The following RARB variants were observed in gnomAD, a reference collection of about 807,000 sequenced individuals.
RARB encodes HBV-activated protein.
Under a neutral mutation model 51.9 loss-of-function variants are expected in RARB, and 17 were observed. The ratio of observed to expected loss-of-function variants is 0.33; its 90% confidence interval spans 0.22 to 0.49. The LOEUF (loss-of-function observed/expected upper bound fraction) is 0.49, where lower values mean the gene tolerates loss of function less well. Ranked by LOEUF, RARB falls within the 20% of genes least tolerant of loss-of-function variation. The pLI is 0.99. For missense variants in RARB, 369 were observed against 550.8 expected (o/e 0.67, Z 3.30); for synonymous variants, 215 against 195.4 (o/e 1.10, Z -0.84).
chr3:25,144,705 G>A (rs1700160166), intron 4 of RARB, among the ~76,000 whole-genome samples: 1 of 152,130 alleles, frequency 6.6e-6, no homozygotes, highest in Admixed American at 6.5e-5. Context: ...ACTACTGCTA[G>A]CATACTTAGC....
At chr3:25,117,826 C>T (rs1220059928) in intron 3 of RARB, among the ~76,000 whole-genome samples, 1 of 152,150 alleles carries the variant, frequency 6.6e-6, no homozygotes, top group African/African-American at 2.4e-5. Flanking sequence ...TCTATCCTTC[C>T]TTGTCCAAAA....
intron 5 of RARB, among the ~76,000 whole-genome samples, chr3:25,304,664 G>T (rs1463834964): frequency 6.6e-6 from 1 of 152,126 alleles, no homozygotes; most frequent in South Asian, 2.1e-4. Flanking sequence ...GCTAGTCCAC[G>T]TACCATTTGA....
chr3:24,993,019 A>G (rs1019135996), intron 2 of RARB, among the ~76,000 whole-genome samples: 1 of 152,230 alleles, frequency 6.6e-6, no homozygotes. Flanking sequence ...GGAACATTAA[A>G]TGTTACAGAA....
chr3:25,102,902 T>A (rs1699431460), intron 3 of RARB, among the ~76,000 whole-genome samples: 1 of 152,036 alleles, frequency 6.6e-6, no homozygotes, highest in Admixed American at 6.6e-5. Flanking sequence ...AAATACAAAA[T>A]TAGCTGGTGG....
intron 5 of RARB, among the ~76,000 whole-genome samples, chr3:25,419,044 A>ATT (rs35494234): frequency 0.37 from 55,537 of 150,826 alleles, 10,473 homozygotes; most frequent in Admixed American, 0.46. Context: ...AAGCCTGTGT[A>ATT]TTTTTTTTGC....
At chr3:25,329,666 G>C (rs541281888) in intron 5 of RARB, among the ~76,000 whole-genome samples, 1 of 152,192 alleles carries the variant, frequency 6.6e-6, no homozygotes, top group Non-Finnish European at 1.5e-5. Flanking sequence ...GAATGACTTT[G>C]ATGAGTTGAG....
intron 5 of RARB, among the ~76,000 whole-genome samples, chr3:25,316,321 A>G (rs1704423936): frequency 6.6e-6 from 1 of 152,170 alleles, no homozygotes; most frequent in African/African-American, 2.4e-5. Flanking sequence ...AGCCTTAATT[A>G]TGGGTGAGCA....
chr3:25,488,637 G>A lies in RARB; in HGVS notation c.307-12545G>A, dbSNP rs143277877. On this transcript the variant is annotated intron_variant, in intron 2 of 7. Transcript: ENST00000330688. ...ACCATCCGTTAACAAGCCCATCCTG[G>A]GCAGCAGAAAGCTTTGTGGGCCAGA... Among the ~76,000 whole-genome samples the A allele has an allele frequency of 2.6e-5, 4 of 152,298 alleles. No individual in the cohort carries two copies. In the East Asian group the frequency reaches 7.7e-4, roughly 29 times the overall value.
chr3:25,449,402 CCTTAACTT>C (rs1222284314), intron 1 of RARB, among the ~76,000 whole-genome samples: 2 of 151,538 alleles, frequency 1.3e-5, no homozygotes, highest in Admixed American at 1.3e-4. Flanking sequence ...ATTTCTGTCT[CCTTAACTT>C]CTTTCTTTTG....
intron 2 of RARB, among the ~76,000 whole-genome samples, chr3:25,055,612 T>G (rs554894222): frequency 4.6e-5 from 7 of 152,074 alleles, no homozygotes; most frequent in Non-Finnish European, 1.0e-4. Flanking sequence ...AAATAGATCT[T>G]GTGATGAAGA....
rs1390030820 is a variant in RARB, at chr3:25,447,293, A to G, written c.158-13900A>G. 2.0e-5 allele frequency among the ~76,000 whole-genome samples: 3 copies of G among 152,210 alleles called. No homozygotes were observed. In the East Asian group the frequency reaches 5.8e-4, roughly 29 times the overall value. ...GACACTCTTTTAGCCCTGAGTATTT[A>G]AAGTCAAGGCCGCCAAAATCTTTGT... is the stretch of plus-strand genomic sequence containing the variant. On this transcript the variant is annotated intron_variant, in intron 1 of 7. Coordinates refer to ENST00000330688, the MANE Select transcript of RARB (RefSeq NM_000965.5).
intron 5 of RARB, among the ~76,000 whole-genome samples, chr3:25,358,325 G>C (rs1006636405): frequency 6.6e-6 from 1 of 152,140 alleles, no homozygotes. Context: ...TTTGCACATT[G>C]AATTTGTATC....
intron 2 of RARB, among the ~76,000 whole-genome samples, chr3:24,904,252 G>T (rs1694801976): frequency 6.6e-6 from 1 of 152,060 alleles, no homozygotes; most frequent in African/African-American, 2.4e-5. Context: ...GTGTGTGTTA[G>T]TCTGAGTCCT....
intron 5 of RARB, among the ~76,000 whole-genome samples, chr3:25,198,446 T>A (rs964785070): frequency 6.6e-6 from 1 of 152,062 alleles, no homozygotes; most frequent in African/African-American, 2.4e-5. Flanking sequence ...GTTAAACTTC[T>A]GCACAGAAGA....
At chr3:25,523,813 T>C (rs1456601340) in intron 3 of RARB, among the ~76,000 whole-genome samples, 3 of 152,246 alleles carry the variant, frequency 2.0e-5, no homozygotes, top group Non-Finnish European at 4.4e-5. Flanking sequence ...ATAAAACTTC[T>C]GCAGCAATTT....
chr3:24,935,237 G>A (rs1469981927), intron 2 of RARB, among the ~76,000 whole-genome samples: 1 of 151,946 alleles, frequency 6.6e-6, no homozygotes, highest in Non-Finnish European at 1.5e-5. Context: ...TAGAACAAAG[G>A]CATTATGTCA....
intron 5 of RARB, among the ~76,000 whole-genome samples, chr3:25,311,440 T>C (rs1704287175): frequency 6.6e-6 from 1 of 152,266 alleles, no homozygotes; most frequent in Non-Finnish European, 1.5e-5. Context: ...AGAGGCCTCC[T>C]GTAGCTAAAA....
intron 2 of RARB, among the ~76,000 whole-genome samples, chr3:24,950,484 C>A (rs1575087077): frequency 6.6e-6 from 1 of 152,156 alleles, no homozygotes; most frequent in Non-Finnish European, 1.5e-5. Flanking sequence ...CAGAACACAG[C>A]TTTGCTCAAA....
intron 5 of RARB, among the ~76,000 whole-genome samples, chr3:25,268,129 C>A (rs550017663): frequency 1.3e-5 from 2 of 152,144 alleles, no homozygotes. Context: ...CTAACATGAA[C>A]GACATCAACC....
Sources: allele counts gnomAD v4.1 joint callset (sites outside exome capture counted in the v4.1 genomes callset), GRCh38; gene constraint gnomAD v4.1.1; transcripts MANE v1.5; gene names NCBI Gene and HGNC (gene_info 2026-07-23, HGNC 2026-07-21).